The following TECPR1 variants were observed in gnomAD, a reference collection of about 807,000 sequenced individuals.
TECPR1 encodes tectonin beta-propeller repeat containing 1.
In TECPR1, 122 loss-of-function variants were observed where a neutral mutation model predicts 162.4. The observed-to-expected ratio is 0.75, with a 90% CI of 0.65 to 0.87. TECPR1 has a LOEUF of 0.87. Ranked by LOEUF, TECPR1 falls within the 40% of genes least tolerant of loss-of-function variation. The pLI is 0.00. For missense variants in TECPR1, 1,432 were observed against 1,618.2 expected (o/e 0.88, Z 1.97); for synonymous variants, 642 against 670.6 (o/e 0.96, Z 0.66).
chr7:98,231,636 A>G, intron 13 of TECPR1, 168 bp downstream of exon 13: 1 of 242,966 alleles, frequency 4.1e-6, no homozygotes, highest in South Asian at 5.1e-5. Context: ...TTCCCCGGGC[A>G]CCCCCATTTC....
At chr7:98,243,376 G>A (rs764053118) in intron 6 of TECPR1, 91 bp downstream of exon 6, 14 of 1,525,276 alleles carry the variant, frequency 9.2e-6, no homozygotes, top group Non-Finnish European at 1.2e-5. Flanking sequence ...CCGGGGCTCC[G>A]GGGAGGAGCA....
intron 16 of TECPR1, chr7:98,228,753 T>C (rs544815588): frequency 2.0e-5 from 7 of 349,346 alleles, no homozygotes; most frequent in Non-Finnish European, 3.2e-5. Flanking sequence ...AGCGAGTGCC[T>C]ACCCTGAAGG....
chr7:98,219,433 T>A (rs1798090675), intron 23 of TECPR1, among the ~76,000 whole-genome samples: 1 of 152,072 alleles, frequency 6.6e-6, no homozygotes, highest in African/African-American at 2.4e-5. Context: ...GAAATAATCA[T>A]CAGAGTAAAC....
At chr7:98,217,610 G>A in intron 25 of TECPR1, 82 bp downstream of exon 25, 1 of 1,526,336 alleles carries the variant, frequency 6.6e-7, no homozygotes, top group Non-Finnish European at 8.8e-7. Context: ...CCAGGGGACA[G>A]TCCCACAGTG....
Position 98,238,582 on chromosome 7 carries a change from T to C in TECPR1, c.962A>G (p.His321Arg). ...AATCCAACTGGTGCCGCAGGGATTG[T>C]GAGAGTTGACGCCTCTTCGGAACCA... is the stretch of plus-strand genomic sequence containing the variant. The part of the protein sequence containing the change: ...KVWFRRGVNS[H>R]NPCGTSWIEM... The change falls in exon 9 of 26, where the codon CAC becomes CGC. Residue 321 changes from histidine to arginine, a missense_variant. His to Arg is a conservative substitution (Grantham distance 29). Transcript: ENST00000447648. The C allele has an allele frequency of 6.4e-7, 1 of 1,571,742 alleles. No individual in the cohort carries two copies. The highest frequency in any genetic ancestry group is 8.6e-7 in the Non-Finnish European group (1 of 1,158,592).
At chr7:98,222,101 A>G (rs1351112896) in intron 22 of TECPR1, among the ~76,000 whole-genome samples, 1 of 152,148 alleles carries the variant, frequency 6.6e-6, no homozygotes, top group Non-Finnish European at 1.5e-5. Context: ...GAGAAGAACA[A>G]GCCAGCACAG....
chr7:98,225,902 G>A (rs977633909), intron 17 of TECPR1, among the ~76,000 whole-genome samples: 54 of 152,314 alleles, frequency 3.5e-4, no homozygotes, highest in African/African-American at 1.3e-3. Context: ...TGGGATTACA[G>A]GCGTGAATCC....
At chr7:98,234,846 G>A (rs1798551992) in intron 10 of TECPR1, among the ~76,000 whole-genome samples, 1 of 151,434 alleles carries the variant, frequency 6.6e-6, no homozygotes, top group Admixed American at 6.6e-5. Context: ...AAGTAGCTAG[G>A]ACTACAGGCC....
chr7:98,243,390 C>T (rs939936675), intron 6 of TECPR1, 77 bp downstream of exon 6: 4 of 1,576,948 alleles, frequency 2.5e-6, no homozygotes, highest in Non-Finnish European at 3.4e-6. Flanking sequence ...AGGAGCAAGA[C>T]CCAGGGGGTG....
chr7:98,247,872 G>A (rs922051749), intron 2 of TECPR1, among the ~76,000 whole-genome samples: 1 of 152,076 alleles, frequency 6.6e-6, no homozygotes, highest in East Asian at 1.9e-4. Flanking sequence ...ACAGGCATGT[G>A]CCACCGTACC....
At chr7:98,236,249 A>G (rs1353878991) in intron 10 of TECPR1, among the ~76,000 whole-genome samples, 2 of 152,120 alleles carry the variant, frequency 1.3e-5, no homozygotes, top group African/African-American at 2.4e-5. Flanking sequence ...GAGAAATACC[A>G]AGTCTCAAAC....
At chr7:98,235,417 C>A (rs1023504337) in intron 10 of TECPR1, among the ~76,000 whole-genome samples, 1 of 149,452 alleles carries the variant, frequency 6.7e-6, no homozygotes, top group African/African-American at 2.5e-5. Context: ...CCCAGCTACT[C>A]GGGAGGCTGA....
chr7:98,233,693 C>T lies in TECPR1; in HGVS notation c.1400G>A (p.Ser467Asn), dbSNP rs2116582285. ...GTGCGTGTTGGGTCTGGCCTCCCTG[C>T]TGCCCTCGGCTGGGCAGGCATCTTC... Reference protein sequence around the residue: ...TVEDACPAEGSREARPNTHPG... With the variant: ...TVEDACPAEGNREARPNTHPG... The change falls in exon 11 of 26, where the codon AGC (serine) becomes AAC (asparagine). Residue 467 changes from serine (S) to asparagine (N), a missense_variant. Physicochemically the swap from Ser to Asn is conservative, Grantham distance 46. Coordinates refer to ENST00000447648, the MANE Select transcript of TECPR1 (RefSeq NM_015395.3). The T allele has an allele frequency of 1.2e-6, 2 of 1,609,302 alleles. No homozygotes were observed. Among genetic ancestry groups the T allele is most frequent in the Non-Finnish European group, 1.7e-6 (2 of 1,177,500 alleles).
At chr7:98,219,064 G>A (rs916780106) in intron 23 of TECPR1, among the ~76,000 whole-genome samples, 3 of 152,140 alleles carry the variant, frequency 2.0e-5, no homozygotes, top group Admixed American at 2.0e-4. Flanking sequence ...GAACAGAAGA[G>A]AGAACCAAGA....
Position 98,241,149 on chromosome 7 carries a change from C to T in TECPR1, c.753G>A (p.Gly251=), listed in dbSNP as rs556012878. 26 of 1,612,832 alleles carry T rather than the reference C, an allele frequency of 1.6e-5. No homozygotes were observed. In the African/African-American group the frequency reaches 1.7e-4, roughly 11 times the overall value. ...GTGTGGCCCACAGGAGGTCGTGGGG[C>T]CCACAGCTGATCTGAACCACCTCCC... The part of the protein sequence containing the change: ...TPGEVVQISC[G]PHDLLWATLW... Residue 251 remains glycine (G), a synonymous_variant, in exon 7 of 26, where the codon GGG becomes GGA. Transcript: ENST00000447648. This position sits in a 1 kb window ranked among gnomAD's most constrained non-coding sequence, Gnocchi z 5.0.
At chr7:98,247,757 C>T (rs1387721393) in intron 2 of TECPR1, among the ~76,000 whole-genome samples, 1 of 152,056 alleles carries the variant, frequency 6.6e-6, no homozygotes, top group Admixed American at 6.6e-5. Flanking sequence ...GTATCTTGCT[C>T]TGTTGTCCAG....
At chr7:98,234,940 C>A (rs962980924) in intron 10 of TECPR1, among the ~76,000 whole-genome samples, 2 of 152,040 alleles carry the variant, frequency 1.3e-5, no homozygotes, top group African/African-American at 4.8e-5. Flanking sequence ...CCTTGAACTC[C>A]TGGGCTTAAG....
In TECPR1 at chr7:98,232,064, G is replaced by T. The variant is rs1798458438; in HGVS notation, c.1819-105C>A. 7.9e-7 allele frequency: 1 copy of T among 1,260,360 alleles called. No individual in the cohort carries two copies. Among genetic ancestry groups the T allele is most frequent in the Non-Finnish European group, 1.1e-6 (1 of 914,140 alleles). 78.1% of individuals were successfully genotyped at this position (1,260,360 alleles called of 1,614,324 possible). A position where few individuals can be genotyped will look rare whatever the true frequency, so the allele number is the denominator to read the frequency against. ...GAGGAGGAGGCAGGGCTGGGGTAGG[G>T]CCCACCCAGCACTCCCGGCTGTCAG... On this transcript the variant is annotated intron_variant, in intron 12 of 25. Coordinates refer to ENST00000447648, the MANE Select transcript of TECPR1 (RefSeq NM_015395.3). This position sits in a 1 kb window ranked among gnomAD's most constrained non-coding sequence, Gnocchi z 4.6.
At chr7:98,221,845 G>C (rs1395247277) in intron 22 of TECPR1, 92 bp from the exon 23 acceptor site, 15 of 972,408 alleles carry the variant, frequency 1.5e-5, no homozygotes, top group Non-Finnish European at 1.7e-5. Context: ...CTGCCTCTCG[G>C]ATGTGTAGCC....
Sources: gnomAD v4.1 joint callset for allele counts (sites outside exome capture counted in the v4.1 genomes callset) on GRCh38, gnomAD v4.1.1 for gene constraint, Gnocchi (gnomAD v3.1) non-coding constraint, MANE v1.5 for transcripts, NCBI Gene and HGNC (gene_info 2026-07-23, HGNC 2026-07-21) for gene names.